PLA2G4E: variants seen among roughly 807,000 people sequenced by gnomAD.
The protein encoded by PLA2G4E is cytosolic phospholipase A2 epsilon.
PLA2G4E carries 84 observed loss-of-function variants against 109.1 expected under a neutral mutation model. The ratio of observed to expected loss-of-function variants is 0.77; its 90% CI spans 0.65 to 0.92. PLA2G4E has a LOEUF of 0.92. PLA2G4E is among the 40% of genes least tolerant of loss of function. PLA2G4E has a pLI of 0.00. For missense variants in PLA2G4E, 1,057 were observed against 1,076.6 expected (o/e 0.98, Z 0.25); for synonymous variants, 469 against 436.1 (o/e 1.08, Z -0.94).
At chr15:42,050,217 C>T (rs190542061) in intron 1 of PLA2G4E, among the ~76,000 whole-genome samples, 132 of 152,330 alleles carry the variant, frequency 8.7e-4, no homozygotes, top group African/African-American at 2.3e-3. Flanking sequence ...GGGCAGGTTC[C>T]TTGACCTGTC....
rs528660909 is a variant in PLA2G4E, at chr15:42,005,960, G to A, written c.525+30C>T. ...ACAGCTATGAGGTTATCATGAAGCCGGAGTCTGAGGGCCTGTACCCTGCAC... is the reference window on the plus strand; with the variant it reads ...ACAGCTATGAGGTTATCATGAAGCCAGAGTCTGAGGGCCTGTACCCTGCAC... On this transcript the variant is annotated intron_variant, in intron 4 of 19. Coordinates refer to ENST00000399518, the Ensembl canonical transcript of PLA2G4E. 60 of 1,609,778 alleles carry A rather than the reference G, an allele frequency of 3.7e-5. 1 individual carries two copies. The East Asian group carries it at 4.0e-4, about 11-fold the overall frequency.
chr15:42,022,164 C>T (rs74008945), intron 1 of PLA2G4E, among the ~76,000 whole-genome samples: 4,600 of 152,274 alleles, frequency 0.03, 78 homozygotes, highest in East Asian at 0.086. Flanking sequence ...AAGTTGCTGA[C>T]AGTCTGGCTG....
intron 2 of PLA2G4E, among the ~76,000 whole-genome samples, chr15:42,010,990 A>C (rs1213692230): frequency 1.3e-5 from 2 of 152,380 alleles, no homozygotes; most frequent in Admixed American, 6.5e-5. Flanking sequence ...CCCAGGACCT[A>C]AAAGACATCG....
chr15:42,007,945 T>G, intron 2 of PLA2G4E, 80 bp from the exon 3 acceptor site: 6 of 1,463,032 alleles, frequency 4.1e-6, no homozygotes, highest in Non-Finnish European at 5.6e-6. Flanking sequence ...GGCAAGCCTC[T>G]TCCAGAGCCA....
intron 15 of PLA2G4E, among the ~76,000 whole-genome samples, chr15:41,988,957 A>G (rs2068194915): frequency 6.6e-6 from 1 of 152,160 alleles, no homozygotes; most frequent in Non-Finnish European, 1.5e-5. Context: ...GGGCGCAGCT[A>G]AGACTCTGAA....
chr15:41,993,229 A>T lies in PLA2G4E; in HGVS notation c.1248-270T>A, dbSNP rs376239012. Among the ~76,000 whole-genome samples the T allele has an allele frequency of 1.1e-4, 17 of 152,314 alleles. No homozygotes were observed. The East Asian group carries it at 2.5e-3, about 22-fold the overall frequency. ...TTAAGATGAAGATTCTGGATCCAGA[A>T]CTTTCTGGATCAAGCCAGGCTCTGT... On this transcript the variant is annotated intron_variant, in intron 12 of 19. Coordinates refer to ENST00000399518, the Ensembl canonical transcript of PLA2G4E.
chr15:41,986,785 T>C, intron 17 of PLA2G4E: 1 of 225,264 alleles, frequency 4.4e-6, no homozygotes, highest in African/African-American at 2.3e-5. Context: ...CCTCCCAAAG[T>C]GCTGGTGTTA....
At chr15:41,983,395 G>A (rs898607414) in exon 20 of PLA2G4E, 1 of 260,732 alleles carries the variant, frequency 3.8e-6, no homozygotes, top group South Asian at 8.9e-5. Context: ...GACAGAGAGA[G>A]GAGGGCTGCC....
intron 7 of PLA2G4E, 95 bp downstream of exon 7, chr15:42,001,062 A>G: frequency 1.5e-6 from 2 of 1,321,584 alleles, no homozygotes; most frequent in African/African-American, 1.5e-5. Flanking sequence ...CCCTGAGCCC[A>G]GGGAAGCCCT....
At chr15:41,999,876 G>A (rs766773108) in intron 9 of PLA2G4E, 41 bp downstream of exon 9, 5 of 1,547,372 alleles carry the variant, frequency 3.2e-6, no homozygotes, top group Non-Finnish European at 4.4e-6. Context: ...GGAGCTCCAG[G>A]GGAAGTAAGT....
chr15:42,026,844 G>C (rs1375219518), intron 1 of PLA2G4E, among the ~76,000 whole-genome samples: 1 of 151,890 alleles, frequency 6.6e-6, no homozygotes, highest in Non-Finnish European at 1.5e-5. Flanking sequence ...GTGGTGGTGG[G>C]TGCCTAGAAT....
At chr15:41,996,991 G>A in intron 11 of PLA2G4E, 133 bp downstream of exon 11, 3 of 1,174,776 alleles carry the variant, frequency 2.6e-6, no homozygotes, top group Non-Finnish European at 3.5e-6. Flanking sequence ...CTCTCACCAG[G>A]GCGCCTGTAC....
rs34559872 is a variant in PLA2G4E at position 41,996,350 on chromosome 15, GAAAAAAAAAAAAAAA to G, written c.1110+759_1110+773del. The stretch of plus-strand genomic sequence containing the variant: ...GTGACAGAGCAAGACCCTGTCTCAA[GAAAAAAAAAAAAAAA>G]AAAAAAAAAAAAAAGGAGGGAGGAA... On this transcript the variant is annotated intron_variant, in intron 11 of 19. Coordinates refer to ENST00000399518, the Ensembl canonical transcript of PLA2G4E. Among the ~76,000 whole-genome samples, 172 of 75,116 alleles carry G rather than the reference GAAAAAAAAAAAAAAA, an allele frequency of 2.3e-3. 3 individuals carry two copies. The East Asian group carries it at 0.026, about 11-fold the overall frequency. 49.3% of individuals were successfully genotyped at this position (75,116 alleles called of 152,430 possible). A position where few individuals can be genotyped will look rare whatever the true frequency, so the allele number is the denominator to read the frequency against.
At chr15:42,017,630 C>T (rs186496531) in intron 1 of PLA2G4E, among the ~76,000 whole-genome samples, 88 of 152,314 alleles carry the variant, frequency 5.8e-4, no homozygotes, top group African/African-American at 1.9e-3. Context: ...TCTCAGTTTA[C>T]TTGGCAAACA....
intron 2 of PLA2G4E, among the ~76,000 whole-genome samples, chr15:42,012,784 C>G (rs1186191958): frequency 6.6e-6 from 1 of 152,256 alleles, no homozygotes; most frequent in Non-Finnish European, 1.5e-5. Flanking sequence ...TGTGTCTTCT[C>G]TGCCCCTCTC....
chr15:41,990,652 C>T (rs1382186841), intron 13 of PLA2G4E, among the ~76,000 whole-genome samples: 1 of 151,988 alleles, frequency 6.6e-6, no homozygotes, highest in Non-Finnish European at 1.5e-5. Flanking sequence ...ATGTTGAGCT[C>T]CCTCAACTGA....
At chr15:42,005,114 G>C in intron 4 of PLA2G4E, 136 bp from the exon 5 acceptor site, 1 of 1,025,404 alleles carries the variant, frequency 9.8e-7, no homozygotes, top group Non-Finnish European at 1.5e-6. Context: ...CATGGAGTGT[G>C]CTTGTGGTCT....
rs377088095 is a variant in PLA2G4E at position 42,001,248 on chromosome 15, G to A, written c.610-28C>T. The A allele has an allele frequency of 1.2e-4, 194 of 1,590,896 alleles. No individual in the cohort carries two copies. In the African/African-American group the frequency reaches 2.3e-3, roughly 19 times the overall value. On this transcript the variant is annotated intron_variant, in intron 6 of 19. Transcript: ENST00000399518. The stretch of plus-strand genomic sequence containing the variant: ...GTAAAAAACAAAGGAGGGTCACAGA[G>A]TGTCTGAGCACCAGCCACCTCCTTG...
intron 1 of PLA2G4E, among the ~76,000 whole-genome samples, chr15:42,044,849 G>C (rs947102656): frequency 3.3e-5 from 5 of 152,112 alleles, no homozygotes; most frequent in African/African-American, 9.7e-5. Flanking sequence ...ACAGAATTGG[G>C]CAGGACAGGG....
Sources: gnomAD v4.1 joint callset for allele counts (sites outside exome capture counted in the v4.1 genomes callset) on GRCh38, gnomAD v4.1.1 for gene constraint, MANE v1.5 for transcripts, NCBI Gene and HGNC (gene_info 2026-07-23, HGNC 2026-07-21) for gene names.